INPP5A: variants seen among roughly 807,000 people sequenced by gnomAD.
The protein encoded by INPP5A is 43 kDa inositol polyphosphate 5-phophatase.
Under a neutral mutation model 65.2 loss-of-function variants are expected in INPP5A, and 14 were observed. The ratio of observed to expected loss-of-function variants is 0.21; its 90% CI spans 0.14 to 0.34. INPP5A has a LOEUF of 0.34. Ranked by LOEUF, INPP5A falls within the 10% of genes least tolerant of loss-of-function variation. The pLI is 1.00. For synonymous variants in INPP5A, 207 were observed against 208.3 expected (o/e 0.99, Z 0.05); for missense variants, 431 against 545.6 (o/e 0.79, Z 2.09).
intron 1 of INPP5A, among the ~76,000 whole-genome samples, chr10:132,596,723 C>A (rs1564928684): frequency 6.6e-6 from 1 of 152,164 alleles, no homozygotes; most frequent in Non-Finnish European, 1.5e-5. Flanking sequence ...AGCCACCACG[C>A]CCGGCCCATG....
chr10:132,697,065 C>T lies in INPP5A; in HGVS notation c.371-751C>T, dbSNP rs2134498479. Among the ~76,000 whole-genome samples the T allele has an allele frequency of 6.6e-6, 1 of 152,364 alleles. No homozygotes were observed. Among genetic ancestry groups the T allele is most frequent in the South Asian group, 2.1e-4 (1 of 4,832 alleles). On this transcript the variant is annotated intron_variant, in intron 5 of 15. Coordinates refer to ENST00000368594, the MANE Select transcript of INPP5A (RefSeq NM_005539.5). The surrounding 1 kb of genome is among the most constrained non-coding windows in gnomAD (Gnocchi z 5.6). ...GGTCTCCAGGAACCTCGTTGACACCCAGGAGTGTCACCTCAGTGGCCCAGG... is the reference window on the plus strand; with the variant it reads ...GGTCTCCAGGAACCTCGTTGACACCTAGGAGTGTCACCTCAGTGGCCCAGG...
intron 8 of INPP5A, 60 bp from the exon 9 acceptor site, chr10:132,726,761 C>T (rs774463218): frequency 1.5e-5 from 18 of 1,203,908 alleles, no homozygotes; most frequent in African/African-American, 3.0e-5. Flanking sequence ...GCACCGGGGC[C>T]GGGCATGAGG....
At chr10:132,599,958 G>GA (rs1490639965) in intron 1 of INPP5A, among the ~76,000 whole-genome samples, 1 of 152,220 alleles carries the variant, frequency 6.6e-6, no homozygotes, top group Non-Finnish European at 1.5e-5. Context: ...ACATCATGGG[G>GA]ACCCTGGGCC....
At chr10:132,685,882 G>T (rs1008648476) in intron 4 of INPP5A, among the ~76,000 whole-genome samples, 1 of 152,246 alleles carries the variant, frequency 6.6e-6, no homozygotes, top group Non-Finnish European at 1.5e-5. Context: ...AAGTGACACG[G>T]TGTGGCCATT....
chr10:132,748,937 C>A (rs1846420575), intron 9 of INPP5A, among the ~76,000 whole-genome samples: 1 of 152,250 alleles, frequency 6.6e-6, no homozygotes, highest in Non-Finnish European at 1.5e-5. Flanking sequence ...GTCCACCTGC[C>A]TCTGGGCCCC....
chr10:132,703,975 C>T (rs551449457), intron 6 of INPP5A, among the ~76,000 whole-genome samples: 3 of 135,070 alleles, frequency 2.2e-5, no homozygotes, highest in South Asian at 2.6e-4. Flanking sequence ...GCCACACACA[C>T]GCAAGCTTCA....
intron 1 of INPP5A, among the ~76,000 whole-genome samples, chr10:132,607,139 G>A (rs2133339779): frequency 6.6e-6 from 1 of 152,330 alleles, no homozygotes; most frequent in East Asian, 1.9e-4. Context: ...ACAGAGCCCA[G>A]GAGCAGCCAG....
chr10:132,719,356 G>C (rs1845814283), intron 8 of INPP5A, among the ~76,000 whole-genome samples: 1 of 150,446 alleles, frequency 6.6e-6, no homozygotes, highest in South Asian at 2.1e-4. Context: ...GGTTCTGTCT[G>C]GGCGCCTTAG....
intron 2 of INPP5A, among the ~76,000 whole-genome samples, chr10:132,640,878 C>G (rs962352471): frequency 1.3e-5 from 2 of 152,204 alleles, no homozygotes; most frequent in African/African-American, 4.8e-5. Context: ...TGGAGGTGTC[C>G]TGTGGCTGTG....
intron 14 of INPP5A, 60 bp from the exon 15 acceptor site, chr10:132,781,801 G>T: frequency 7.2e-7 from 1 of 1,393,960 alleles, no homozygotes; most frequent in Non-Finnish European, 1.0e-6. Context: ...GGGAGGCGGC[G>T]GCATGTGCTG....
intron 1 of INPP5A, among the ~76,000 whole-genome samples, chr10:132,566,577 C>G (rs1183118650): frequency 6.6e-6 from 1 of 152,106 alleles, no homozygotes; most frequent in East Asian, 1.9e-4. Flanking sequence ...GATGTAATTC[C>G]CTGTTTTCAT....
chr10:132,756,884 T>C (rs1418362210), intron 11 of INPP5A, among the ~76,000 whole-genome samples: 2 of 152,222 alleles, frequency 1.3e-5, no homozygotes, highest in Non-Finnish European at 2.9e-5. Context: ...ACGTCGATGA[T>C]CCTGACCCTG....
chr10:132,684,184 C>T (rs1200876621), intron 4 of INPP5A, among the ~76,000 whole-genome samples: 3 of 152,138 alleles, frequency 2.0e-5, no homozygotes, highest in African/African-American at 7.2e-5. Flanking sequence ...TGTGTATTTT[C>T]CTTGCTGTAT....
chr10:132,718,070 G>T (rs1311142613), intron 8 of INPP5A, among the ~76,000 whole-genome samples: 1 of 149,920 alleles, frequency 6.7e-6, no homozygotes, highest in Non-Finnish European at 1.5e-5. Flanking sequence ...GTGGTGCGTG[G>T]GTTCTGTCTG....
Position 132,706,073 on chromosome 10 carries a change from T to C in INPP5A, c.475-2240T>C, listed in dbSNP as rs1443196376. On this transcript the variant is annotated intron_variant, in intron 6 of 15. Coordinates refer to ENST00000368594, the MANE Select transcript of INPP5A (RefSeq NM_005539.5). This position sits in a 1 kb window ranked among gnomAD's most constrained non-coding sequence, Gnocchi z 4.7. ...AAAAGGGAATATGAAGAGGAGCCTG[T>C]AGAAACATTAAACATTCTGCATTAG... Among the ~76,000 whole-genome samples the C allele has an allele frequency of 1.3e-5, 2 of 152,226 alleles. No individual in the cohort carries two copies. Among genetic ancestry groups the C allele is most frequent in the African/African-American group, 2.4e-5 (1 of 41,452 alleles).
At chr10:132,703,258 G>A (rs898502958) in intron 6 of INPP5A, among the ~76,000 whole-genome samples, 10 of 152,118 alleles carry the variant, frequency 6.6e-5, no homozygotes, top group Admixed American at 2.6e-4. Flanking sequence ...CTGGGCTCTT[G>A]CGGTCGTTGT....
chr10:132,682,076 G>A (rs2073054877), intron 4 of INPP5A, among the ~76,000 whole-genome samples: 1 of 152,206 alleles, frequency 6.6e-6, no homozygotes, highest in Admixed American at 6.5e-5. Flanking sequence ...AGCGGGAAGG[G>A]AGCTGCTGCT....
At position 132,538,498 on chromosome 10, in the gene INPP5A, A is replaced by T. The variant is rs962514749; in HGVS notation, c.75+327A>T. 2.6e-5 allele frequency among the ~76,000 whole-genome samples: 4 copies of T among 152,004 alleles called. No individual in the cohort carries two copies. Among genetic ancestry groups the T allele is most frequent in the African/African-American group, 4.8e-5 (2 of 41,372 alleles). ...CAAATCCTGACCTCGAAACTCCAAT[A>T]TTAAAACCCTGTCAGAACCCCTGTT... On this transcript the variant is annotated intron_variant, in intron 1 of 15. Coordinates refer to ENST00000368594, the MANE Select transcript of INPP5A (RefSeq NM_005539.5). The surrounding 1 kb of genome is among the most constrained non-coding windows in gnomAD (Gnocchi z 4.1).
In INPP5A at chr10:132,671,907, G is replaced by C. The variant is rs1012847003; in HGVS notation, c.307-18485G>C. On this transcript the variant is annotated intron_variant, in intron 4 of 15. Transcript: ENST00000368594. ...AACCAGCCTGCTCTGCTCTCAGAAG[G>C]GGACAGCGCAGGAAAGGCCAGCTTC... is the stretch of plus-strand genomic sequence containing the variant. 6.6e-5 allele frequency among the ~76,000 whole-genome samples: 10 copies of C among 152,304 alleles called. No individual in the cohort carries two copies. In the East Asian group the frequency reaches 1.9e-3, roughly 29 times the overall value.
Sources: gnomAD v4.1 joint callset for allele counts (sites outside exome capture counted in the v4.1 genomes callset) on GRCh38, gnomAD v4.1.1 for gene constraint, Gnocchi (gnomAD v3.1) non-coding constraint, MANE v1.5 for transcripts, NCBI Gene and HGNC (gene_info 2026-07-23, HGNC 2026-07-21) for gene names.